Variants in FRY observed in about 807,000 individuals in gnomAD.
FRY encodes the protein FRY microtubule binding protein.
In FRY, 128 loss-of-function variants were observed where a neutral mutation model predicts 348.4. The observed-to-expected ratio is 0.37, with a 90% CI of 0.32 to 0.43. The LOEUF (loss-of-function observed/expected upper bound fraction) is 0.43. Among genes scored for constraint, FRY ranks in the 20% least tolerant of loss-of-function variants. The probability of loss-of-function intolerance (pLI) is 1.00; values close to 1 mark genes in which losing one functional copy is unlikely to be tolerated. For synonymous variants in FRY, 1,370 were observed against 1,374.7 expected (o/e 1.00, Z 0.08); for missense variants, 2,736 against 3,695.2 (o/e 0.74, Z 6.73).
chr13:32,163,655 T>C (rs1881578812), intron 17 of FRY, among the ~76,000 whole-genome samples: 1 of 152,190 alleles, frequency 6.6e-6, no homozygotes, highest in Non-Finnish European at 1.5e-5. Flanking sequence ...CTCTTTCTGG[T>C]AAAGTCTCTA....
chr13:32,209,135 A>T, intron 32 of FRY, 26 bp downstream of exon 32: 1 of 1,613,716 alleles, frequency 6.2e-7, no homozygotes, highest in Non-Finnish European at 8.5e-7. Context: ...TTGTGCTTCA[A>T]ATAGCATGGC....
At chr13:32,194,625 C>G (rs778285501) in intron 29 of FRY, among the ~76,000 whole-genome samples, 1 of 152,028 alleles carries the variant, frequency 6.6e-6, no homozygotes, top group African/African-American at 2.4e-5. Flanking sequence ...ATGTTTATAA[C>G]GAGGGTGAAC....
intron 1 of FRY, among the ~76,000 whole-genome samples, chr13:32,071,473 C>T (rs1874655244): frequency 6.6e-6 from 1 of 152,158 alleles, no homozygotes; most frequent in South Asian, 2.1e-4. Flanking sequence ...CTCTTTGTAG[C>T]AATTGTGACT....
chr13:32,040,249 C>G (rs1319875059), intron 1 of FRY, among the ~76,000 whole-genome samples: 1 of 152,156 alleles, frequency 6.6e-6, no homozygotes. Context: ...TAAGTCAAAT[C>G]AATAAAATGT....
intron 17 of FRY, among the ~76,000 whole-genome samples, chr13:32,169,934 T>C (rs1156772799): frequency 6.6e-6 from 1 of 152,228 alleles, no homozygotes; most frequent in Non-Finnish European, 1.5e-5. Context: ...TGTCTCAACC[T>C]TGGCACTATT....
At chr13:32,158,163 A>G (rs1881224866) in intron 16 of FRY, among the ~76,000 whole-genome samples, 2 of 152,234 alleles carry the variant, frequency 1.3e-5, no homozygotes, top group Admixed American at 1.3e-4. Context: ...TGTGATAGTA[A>G]CATGTGCTCG....
intron 3 of FRY, among the ~76,000 whole-genome samples, chr13:32,105,532 C>T (rs906733884): frequency 2.6e-5 from 4 of 152,162 alleles, no homozygotes; most frequent in Non-Finnish European, 5.9e-5. Flanking sequence ...GTCTCTTAGT[C>T]CTTTGGCATT....
chr13:32,184,950 A>G (rs780935677), intron 25 of FRY, 26 bp from the exon 26 acceptor site: 1 of 1,602,640 alleles, frequency 6.2e-7, no homozygotes, highest in African/African-American at 1.3e-5. Context: ...CTGATCATCT[A>G]AAAGTTTCAT....
chr13:32,256,578 A>G (rs2138526597), intron 51 of FRY, among the ~76,000 whole-genome samples: 1 of 152,178 alleles, frequency 6.6e-6, no homozygotes, highest in African/African-American at 2.4e-5. Context: ...CGGGGCTGAG[A>G]GTGTACATTT....
chr13:32,034,990 A>G (rs1433571355), intron 1 of FRY, among the ~76,000 whole-genome samples: 2 of 152,234 alleles, frequency 1.3e-5, no homozygotes, highest in Non-Finnish European at 2.9e-5. Context: ...AATCACTCTC[A>G]GTTTCCTCAT....
At chr13:32,154,405 GAATA>G (rs1204116117) in intron 14 of FRY, among the ~76,000 whole-genome samples, 2 of 152,114 alleles carry the variant, frequency 1.3e-5, no homozygotes, top group African/African-American at 2.4e-5. Flanking sequence ...CTTAAAGCTT[GAATA>G]AATAATTTTA....
chr13:32,197,931 G>T (rs944493813), intron 29 of FRY, among the ~76,000 whole-genome samples: 3 of 152,126 alleles, frequency 2.0e-5, no homozygotes, highest in Admixed American at 6.6e-5. Flanking sequence ...TATGATCACA[G>T]CTGTCTTTAT....
At chr13:32,080,550 T>C (rs1875410267) in intron 2 of FRY, among the ~76,000 whole-genome samples, 1 of 152,208 alleles carries the variant, frequency 6.6e-6, no homozygotes, top group South Asian at 2.1e-4. Context: ...GTCCTCTTCA[T>C]GTAGAGGCAC....
chr13:32,058,946 C>G (rs1266595034), intron 1 of FRY, among the ~76,000 whole-genome samples: 33 of 152,100 alleles, frequency 2.2e-4, no homozygotes. Flanking sequence ...ATTTGAATGA[C>G]CCTGAGCAAC....
chr13:32,296,159 G>C lies in FRY; in HGVS notation c.*699G>C, dbSNP rs2072059830. On this transcript the variant is annotated 3_prime_UTR_variant, in exon 61 of 61. Coordinates refer to ENST00000542859, the MANE Select transcript of FRY (RefSeq NM_023037.3). ...ATCTCTTTGCACCAAAAATGGTCCA[G>C]ATAGACTCTTTTTAAGGATCTTGGC... 1 of 152,700 alleles carries C rather than the reference G, an allele frequency of 6.5e-6. No individual in the cohort carries two copies. Among genetic ancestry groups the C allele is most frequent in the Admixed American group, 6.5e-5 (1 of 15,276 alleles). The allele number at this position is 152,700 out of a possible 1,614,324, so 9.5% of individuals were successfully genotyped here. A position where few individuals can be genotyped will look rare whatever the true frequency, so the allele number is the denominator to read the frequency against.
At chr13:32,111,952 A>G (rs1877994283) in intron 3 of FRY, among the ~76,000 whole-genome samples, 2 of 152,234 alleles carry the variant, frequency 1.3e-5, no homozygotes, top group African/African-American at 4.8e-5. Context: ...AATGCAGGAC[A>G]GACATTGCTC....
chr13:32,063,349 A>G (rs374812801), intron 1 of FRY, among the ~76,000 whole-genome samples: 3 of 152,208 alleles, frequency 2.0e-5, no homozygotes, highest in Non-Finnish European at 4.4e-5. Context: ...CTAATAAAAT[A>G]GCTCAAGAAG....
chr13:32,189,679 A>G (rs1362094778), intron 28 of FRY, among the ~76,000 whole-genome samples: 1 of 152,070 alleles, frequency 6.6e-6, no homozygotes, highest in Non-Finnish European at 1.5e-5. Context: ...CTATAAAACC[A>G]GATGGCTTTG....
intron 28 of FRY, 43 bp downstream of exon 28, chr13:32,187,699 G>A (rs775324293): frequency 8.3e-6 from 9 of 1,081,918 alleles, no homozygotes; most frequent in Admixed American, 6.8e-5. Context: ...TGTCTTCTGT[G>A]TTCTGCCTCA....
Sources: allele counts gnomAD v4.1 joint callset (sites outside exome capture counted in the v4.1 genomes callset), GRCh38; gene constraint gnomAD v4.1.1; transcripts MANE v1.5; gene names NCBI Gene and HGNC (gene_info 2026-07-23, HGNC 2026-07-21).